HTT: variants seen among roughly 807,000 people sequenced by gnomAD.
HTT encodes huntingtin.
In HTT, 104 loss-of-function variants were observed where a neutral mutation model predicts 362.3. The ratio of observed to expected loss-of-function variants is 0.29; its 90% confidence interval spans 0.24 to 0.34. The LOEUF (loss-of-function observed/expected upper bound fraction) is 0.34. Ranked by LOEUF, HTT falls within the 10% of genes least tolerant of loss-of-function variation. HTT has a pLI of 1.00. For synonymous variants in HTT, 1,577 were observed against 1,548.7 expected, an observed-to-expected ratio of 1.02 and a Z score of -0.43; for missense variants, 3,301 against 3,928.6, an observed-to-expected ratio of 0.84 and a Z score of 4.27.
intron 29 of HTT, among the ~76,000 whole-genome samples, chr4:3,163,819 T>G (rs968209073): frequency 2.6e-5 from 4 of 152,186 alleles, no homozygotes; most frequent in African/African-American, 9.7e-5. Context: ...CTTTTCTTCT[T>G]TATTAGTCTT....
chr4:3,214,908 A>C (rs1043778587), intron 50 of HTT, among the ~76,000 whole-genome samples: 2 of 152,226 alleles, frequency 1.3e-5, no homozygotes, highest in Admixed American at 6.5e-5. Context: ...CTGAAGTTCA[A>C]ATCTTCAGAC....
At chr4:3,210,381 G>A (rs903700338) in intron 47 of HTT, among the ~76,000 whole-genome samples, 1 of 152,208 alleles carries the variant, frequency 6.6e-6, no homozygotes, top group Non-Finnish European at 1.5e-5. Context: ...ACACAGTGTC[G>A]TAATGCGTGA....
chr4:3,238,628 T>G lies in HTT; in HGVS notation c.9054+19T>G. 6.3e-7 allele frequency: 1 copy of G among 1,585,676 alleles called. No individual in the cohort carries two copies. The highest frequency in any genetic ancestry group is 8.6e-7 in the Non-Finnish European group (1 of 1,163,332). On this transcript the variant is annotated intron_variant, in intron 65 of 66. Coordinates refer to ENST00000355072, the MANE Select transcript of HTT (RefSeq NM_001388492.1). ...GTATAAGGTGAGGTTGCATGTGGGATGGGGATGGAGTGGGAAAGCCTGGAG... is the reference window on the plus strand; with the variant it reads ...GTATAAGGTGAGGTTGCATGTGGGAGGGGGATGGAGTGGGAAAGCCTGGAG...
Position 3,175,181 on chromosome 4 carries a change from T to C in HTT, c.4407+74T>C, listed in dbSNP as rs766754978. ...CAAATTACCCTAAAAGACACTGAAA[T>C]CTACTTTAAAGAAATGTGGTCTGCA... is the stretch of plus-strand genomic sequence containing the variant. On this transcript the variant is annotated intron_variant, in intron 33 of 66. Coordinates refer to ENST00000355072, the MANE Select transcript of HTT (RefSeq NM_001388492.1). 28 of 1,364,290 alleles carry C rather than the reference T, an allele frequency of 2.1e-5. No individual in the cohort carries two copies. In the Admixed American group the frequency reaches 2.3e-4, roughly 11 times the overall value. The allele number at this position is 1,364,290 out of a possible 1,614,324, so 84.5% of individuals were successfully genotyped here.
chr4:3,130,028 C>T lies in HTT; in HGVS notation c.1848C>T (p.Ala616=), dbSNP rs762394050. Residue 616 remains alanine (A), a synonymous_variant, in exon 13 of 67, where the codon GCC becomes GCT. Transcript: ENST00000355072. The stretch of plus-strand genomic sequence containing the variant: ...TTCTTCCTGATGAAGCCTCGGAGGC[C>T]TTCAGGAACTCTTCCATGGGTATGT... The part of the protein sequence containing the change: ...TGILPDEASE[A]FRNSSMALQQ... 1 of 1,611,468 alleles carries T rather than the reference C, an allele frequency of 6.2e-7. No individual in the cohort carries two copies. The highest frequency in any genetic ancestry group is 1.7e-5 in the Admixed American group (1 of 59,628).
At chr4:3,195,766 T>C (rs1451041038) in intron 40 of HTT, among the ~76,000 whole-genome samples, 1 of 152,202 alleles carries the variant, frequency 6.6e-6, no homozygotes, top group Non-Finnish European at 1.5e-5. Flanking sequence ...TTTTCCTCCA[T>C]GTGGGAATTC....
chr4:3,223,890 C>CATTCATTTAGGTATT, intron 55 of HTT, 102 bp from the exon 56 acceptor site: 1 of 1,230,030 alleles, frequency 8.1e-7, no homozygotes, highest in Non-Finnish European at 1.2e-6. Context: ...TTTGGTATTA[C>CATTCATTTAGGTATT]ACCAGGTTCC....
chr4:3,237,220 C>T (rs570975614), intron 64 of HTT, among the ~76,000 whole-genome samples: 31 of 152,210 alleles, frequency 2.0e-4, no homozygotes, highest in Admixed American at 5.2e-4. Flanking sequence ...ATTACAGGCA[C>T]ACACCACCAT....
At chr4:3,104,224 C>T (rs1714301930) in intron 4 of HTT, among the ~76,000 whole-genome samples, 1 of 151,996 alleles carries the variant, frequency 6.6e-6, no homozygotes. Flanking sequence ...GTCTCAAACT[C>T]CTGACCTCAG....
At chr4:3,081,376 G>A (rs1712889166) in intron 1 of HTT, among the ~76,000 whole-genome samples, 1 of 152,110 alleles carries the variant, frequency 6.6e-6, no homozygotes, top group Non-Finnish European at 1.5e-5. Context: ...TAATGACAAG[G>A]AAGTTTGAAT....
intron 28 of HTT, 31 bp from the exon 29 acceptor site, chr4:3,160,251 A>G: frequency 7.3e-7 from 1 of 1,367,542 alleles, no homozygotes; most frequent in Non-Finnish European, 1.0e-6. Context: ...CAGGGCCAGT[A>G]ACCGTGTGTT....
intron 1 of HTT, among the ~76,000 whole-genome samples, chr4:3,080,961 T>G (rs1712865959): frequency 6.6e-6 from 1 of 152,238 alleles, no homozygotes; most frequent in Non-Finnish European, 1.5e-5. Flanking sequence ...GTCGATCCTG[T>G]GCCAGTACCA....
At position 3,160,570 on chromosome 4, in the gene HTT, G is replaced by A. The variant is rs560987121; in HGVS notation, c.3864+178G>A. ...GACTCTGCCTTAGCCATGAAGTTTAGGGGGAAGTTTCTATTTGTATTCTAT... is the reference window on the plus strand; with the variant it reads ...GACTCTGCCTTAGCCATGAAGTTTAAGGGGAAGTTTCTATTTGTATTCTAT... On this transcript the variant is annotated intron_variant, in intron 29 of 66. Coordinates refer to ENST00000355072, the MANE Select transcript of HTT (RefSeq NM_001388492.1). Among the ~76,000 whole-genome samples the A allele has an allele frequency of 2.0e-5, 3 of 152,272 alleles. No individual in the cohort carries two copies. In the South Asian group the frequency reaches 6.2e-4, roughly 32 times the overall value.
chr4:3,112,210 C>T (rs1186834055), intron 6 of HTT, among the ~76,000 whole-genome samples: 1 of 152,140 alleles, frequency 6.6e-6, no homozygotes, highest in Admixed American at 6.5e-5. Context: ...ATCTCCCACC[C>T]TCTGGTTTAT....
chr4:3,134,649 G>A lies in HTT; in HGVS notation c.2633+109G>A, dbSNP rs181705775. On this transcript the variant is annotated intron_variant, in intron 19 of 66. Coordinates refer to ENST00000355072, the MANE Select transcript of HTT (RefSeq NM_001388492.1). Reference sequence around the variant, plus strand: ...CAAGTACCCTGTCCATCAGAAATCCGAGTGGTTTAGGTAGATGACAGTGAT... The same window carrying A: ...CAAGTACCCTGTCCATCAGAAATCCAAGTGGTTTAGGTAGATGACAGTGAT... 1,740 of 1,031,348 alleles carry A rather than the reference G, an allele frequency of 1.7e-3. 4 individuals are homozygous for A. Among genetic ancestry groups the A allele is most frequent in the Non-Finnish European group, 2.2e-3 (1,539 of 692,676 alleles). The allele number at this position is 1,031,348 out of a possible 1,614,324, so 63.9% of individuals were successfully genotyped here. A position where few individuals can be genotyped will look rare whatever the true frequency, so the allele number is the denominator to read the frequency against.
At chr4:3,229,034 C>A (rs745544221) in intron 59 of HTT, 25 bp downstream of exon 59, 56 of 1,601,822 alleles carry the variant, frequency 3.5e-5, no homozygotes, top group Non-Finnish European at 4.7e-5. Context: ...CCATTCCCCT[C>A]ACACCTGCAC....
chr4:3,124,363 G>T (rs999470935), intron 10 of HTT, among the ~76,000 whole-genome samples: 2 of 152,114 alleles, frequency 1.3e-5, no homozygotes, highest in Admixed American at 6.6e-5. Context: ...AGCCTTTTTG[G>T]TATTTTTCCC....
chr4:3,077,935 C>A (rs1438876643), intron 1 of HTT, among the ~76,000 whole-genome samples: 1 of 152,224 alleles, frequency 6.6e-6, no homozygotes, highest in Non-Finnish European at 1.5e-5. Flanking sequence ...AAAAAATCCT[C>A]TTCTCAAAGT....
rs1434410443 is a variant in HTT at position 3,186,638 on chromosome 4, A to G, written c.4908A>G (p.Thr1636=). Residue 1636 remains threonine (T), a synonymous_variant, in exon 38 of 67, where the codon ACA becomes ACG. Coordinates refer to ENST00000355072, the MANE Select transcript of HTT (RefSeq NM_001388492.1). ...DSHEALGVLN[T]LFEILAPSSL... is the part of the protein sequence containing the mutation. Reference sequence around the variant, plus strand: ...ATGAAGCCCTTGGAGTGTTAAATACATTATTTGAGATTTTGGCCCCTTCCT... The same window carrying G: ...ATGAAGCCCTTGGAGTGTTAAATACGTTATTTGAGATTTTGGCCCCTTCCT... The G allele has an allele frequency of 1.9e-6, 3 of 1,613,442 alleles. No homozygotes were observed. Among genetic ancestry groups the G allele is most frequent in the East Asian group, 2.2e-5 (1 of 44,860 alleles).
Sources: allele counts gnomAD v4.1 joint callset (sites outside exome capture counted in the v4.1 genomes callset), GRCh38; gene constraint gnomAD v4.1.1; transcripts MANE v1.5; gene names NCBI Gene and HGNC (gene_info 2026-07-23, HGNC 2026-07-21).